BUB1B: variants seen among roughly 807,000 people sequenced by gnomAD.
BUB1B encodes the protein mitotic checkpoint serine/threonine-protein kinase BUB1 beta.
A neutral mutation model predicts 137.7 loss-of-function variants in BUB1B; 86 were observed. The observed-to-expected ratio is 0.62, with a 90% CI of 0.52 to 0.75. The LOEUF (loss-of-function observed/expected upper bound fraction) is 0.75, where lower values mean the gene tolerates loss of function less well. Among genes scored for constraint, BUB1B ranks in the 30% least tolerant of loss-of-function variants. BUB1B has a pLI of 0.00. For synonymous variants in BUB1B, 420 were observed against 417.9 expected (o/e 1.00, Z -0.06); for missense variants, 1,130 against 1,236.9 (o/e 0.91, Z 1.30).
intron 14 of BUB1B, among the ~76,000 whole-genome samples, chr15:40,205,064 A>G (rs2037620967): frequency 6.7e-6 from 1 of 149,370 alleles, no homozygotes; most frequent in Admixed American, 6.8e-5. Flanking sequence ...CTCCTGCCTC[A>G]GCCTCCCGAG....
intron 14 of BUB1B, 93 bp from the exon 15 acceptor site, chr15:40,206,091 C>T: frequency 7.7e-7 from 1 of 1,304,428 alleles, no homozygotes; most frequent in Non-Finnish European, 1.1e-6. Context: ...TATTTCTGTA[C>T]CCTGTGTCAC....
chr15:40,206,991 G>GT (rs2037645932), intron 15 of BUB1B, among the ~76,000 whole-genome samples: 1 of 152,068 alleles, frequency 6.6e-6, no homozygotes, highest in Admixed American at 6.6e-5. Context: ...TATATTTTTA[G>GT]TAGAGACGGG....
chr15:40,167,680 T>C (rs2037116926), intron 2 of BUB1B, among the ~76,000 whole-genome samples: 2 of 152,314 alleles, frequency 1.3e-5, no homozygotes, highest in Admixed American at 1.3e-4. Context: ...GTATGATTTT[T>C]CTTAAATTTT....
At chr15:40,206,138 A>G (rs377595195) in intron 14 of BUB1B, 46 bp from the exon 15 acceptor site, 2 of 1,602,024 alleles carry the variant, frequency 1.2e-6, no homozygotes, top group African/African-American at 1.3e-5. Flanking sequence ...AAAGTTCTTC[A>G]TGTATTGAAA....
Position 40,200,970 on chromosome 15 carries a change from T to A in BUB1B, c.1557T>A (p.Pro519=). 2 of 1,613,274 alleles carry A rather than the reference T, an allele frequency of 1.2e-6. No individual in the cohort carries two copies. Among genetic ancestry groups the A allele is most frequent in the Non-Finnish European group, 1.7e-6 (2 of 1,179,478 alleles). The change falls in exon 12 of 23, where the codon CCT becomes CCA. Residue 519 remains proline (P), a synonymous_variant. Transcript: ENST00000287598. ...SLAENIWQEQ[P]HSKGPSVPFS... ...CGGAGAACATTTGGCAGGAACAACC[T>A]CATTCTAAAGGTGAGTTGTATTTGA...
chr15:40,191,741 T>A (rs2037440870), intron 8 of BUB1B, among the ~76,000 whole-genome samples: 1 of 152,364 alleles, frequency 6.6e-6, no homozygotes, highest in Non-Finnish European at 1.5e-5. Flanking sequence ...CTTTTGCTAT[T>A]GAATGGTCTT....
intron 8 of BUB1B, among the ~76,000 whole-genome samples, chr15:40,195,434 C>T (rs1467726663): frequency 3.9e-5 from 6 of 152,136 alleles, no homozygotes. Context: ...AATTATGCTG[C>T]TAAAATATGC....
chr15:40,173,279 G>T (rs1386084897), intron 4 of BUB1B, among the ~76,000 whole-genome samples: 1 of 122,472 alleles, frequency 8.2e-6, no homozygotes, highest in Non-Finnish European at 1.6e-5. Flanking sequence ...GCGAGACTCA[G>T]TCTCAGAAAA....
intron 4 of BUB1B, among the ~76,000 whole-genome samples, chr15:40,175,259 C>T (rs1206775620): frequency 6.6e-6 from 1 of 151,984 alleles, no homozygotes; most frequent in African/African-American, 2.4e-5. Flanking sequence ...AGTAGATGAA[C>T]AATTAAATTA....
At chr15:40,190,491 A>G (rs185934848) in intron 8 of BUB1B, among the ~76,000 whole-genome samples, 2 of 152,208 alleles carry the variant, frequency 1.3e-5, no homozygotes, top group African/African-American at 4.8e-5. Flanking sequence ...GCACATGCCT[A>G]TGGTTTCCGT....
intron 5 of BUB1B, among the ~76,000 whole-genome samples, chr15:40,182,075 G>A (rs1234945383): frequency 1.3e-5 from 2 of 152,138 alleles, no homozygotes; most frequent in African/African-American, 4.8e-5. Context: ...ATGGTTGTGG[G>A]TGCCTGCAAT....
chr15:40,188,889 CT>C (rs1376005418), intron 8 of BUB1B, among the ~76,000 whole-genome samples: 1 of 151,674 alleles, frequency 6.6e-6, no homozygotes, highest in Non-Finnish European at 1.5e-5. Context: ...CCTTTTAAAG[CT>C]TTTTTTTCTT....
At chr15:40,208,071 G>A (rs2037659655) in intron 15 of BUB1B, among the ~76,000 whole-genome samples, 1 of 150,892 alleles carries the variant, frequency 6.6e-6, no homozygotes, top group Non-Finnish European at 1.5e-5. Context: ...AGTGAGCCAT[G>A]ATCGCACCAC....
At position 40,178,038 on chromosome 15, in the gene BUB1B, ATT is replaced by A. The variant is rs781237183; in HGVS notation, c.581+1378_581+1379del. On this transcript the variant is annotated intron_variant, in intron 5 of 22. Transcript: ENST00000287598. ...ACCAGCTTTTGGGTTCATTTCATTG[ATT>A]TTTTTTTTTTTTCTCTTAATGATTT... Among the ~76,000 whole-genome samples the A allele has an allele frequency of 1.7e-3, 228 of 135,500 alleles. 1 individual carries two copies. The highest frequency in any genetic ancestry group is 5.9e-3 in the African/African-American group (223 of 37,632). The allele number at this position is 135,500 out of a possible 152,430, so 88.9% of individuals were successfully genotyped here.
chr15:40,202,506 G>A lies in BUB1B; in HGVS notation c.1628+41G>A, dbSNP rs752849443. On this transcript the variant is annotated intron_variant, in intron 13 of 22. Transcript: ENST00000287598. ...GTTTTTTTGGTTTTTTTTTACTTAA[G>A]AATTTTCTGTTATTATAAGTGAGGA... 8 of 1,595,168 alleles carry A rather than the reference G, an allele frequency of 5.0e-6. No individual in the cohort carries two copies. The African/African-American group carries it at 1.1e-4, about 22-fold the overall frequency.
intron 16 of BUB1B, among the ~76,000 whole-genome samples, chr15:40,209,294 G>A (rs1420013634): frequency 6.6e-6 from 1 of 152,208 alleles, no homozygotes; most frequent in Non-Finnish European, 1.5e-5. Context: ...GGTGGCGGGT[G>A]TCTGTAGTCC....
At position 40,199,840 on chromosome 15, in the gene BUB1B, T is replaced by TA. The variant is rs1377652968; in HGVS notation, c.1401+113_1401+114insA. 4.7e-6 allele frequency: 4 copies of TA among 848,626 alleles called. No individual in the cohort carries two copies. The Admixed American group carries it at 6.6e-5, about 14-fold the overall frequency. 52.6% of individuals were successfully genotyped at this position (848,626 alleles called of 1,614,324 possible). On this transcript the variant is annotated intron_variant, in intron 10 of 22. Coordinates refer to ENST00000287598, the MANE Select transcript of BUB1B (RefSeq NM_001211.6). ...ACCCCCATTTAGAGTTTCTGGTAGT[T>TA]TCTTAGCTGTTAGTAGCCGGAAAGT...
At chr15:40,183,085 C>T (rs1326291215) in intron 5 of BUB1B, among the ~76,000 whole-genome samples, 1 of 152,022 alleles carries the variant, frequency 6.6e-6, no homozygotes, top group African/African-American at 2.4e-5. Flanking sequence ...TTTTTTTACC[C>T]TTATGATAAT....
intron 20 of BUB1B, among the ~76,000 whole-genome samples, chr15:40,216,129 C>G (rs188873263): frequency 2.0e-5 from 3 of 151,480 alleles, no homozygotes; most frequent in African/African-American, 4.9e-5. Flanking sequence ...CCCTATGCCT[C>G]CAAAGTTATA....
Sources: allele counts gnomAD v4.1 joint callset (sites outside exome capture counted in the v4.1 genomes callset), GRCh38; gene constraint gnomAD v4.1.1; transcripts MANE v1.5; gene names NCBI Gene and HGNC (gene_info 2026-07-23, HGNC 2026-07-21).